SMARCC2: variants seen among roughly 807,000 people sequenced by gnomAD.
SMARCC2 encodes SWI/SNF complex subunit SMARCC2.
A neutral mutation model predicts 151.3 loss-of-function variants in SMARCC2; 15 were observed. The observed-to-expected ratio is 0.10, with a 90% confidence interval of 0.07 to 0.15. The LOEUF (loss-of-function observed/expected upper bound fraction) is 0.15. Ranked by LOEUF, SMARCC2 falls within the 10% of genes least tolerant of loss-of-function variation. The pLI is 1.00. For missense variants in SMARCC2, 1,031 were observed against 1,599.7 expected, an observed-to-expected ratio of 0.64 and a Z score of 6.06; for synonymous variants, 590 against 609.5, an observed-to-expected ratio of 0.97 and a Z score of 0.47.
rs773390615 is a variant in SMARCC2 at position 56,178,821 on chromosome 12, T to C, written c.1168A>G (p.Thr390Ala). The C allele has an allele frequency of 1.2e-6, 2 of 1,614,058 alleles. No individual in the cohort carries two copies. Among genetic ancestry groups the C allele is most frequent in the South Asian group, 2.2e-5 (2 of 91,076 alleles). ...TAAACTGGCTCCACCTTGCCCGTCG[T>C]CTCCATGCTTTCATCTTCCTGTTCA... ...LDEQEDESMETTGKDEDENST... is the reference protein window; with the variant it reads ...LDEQEDESMEATGKDEDENST... Residue 390 changes from threonine to alanine, a missense_variant, in exon 13 of 29, where the codon ACG (threonine) becomes GCG (alanine). Around this residue, in one of 12 missense-constraint regions of SMARCC2, gnomAD observed 127 missense variants for 141.7 expected, o/e 0.90. Transcript: ENST00000550164.
chr12:56,163,074 G>A lies in SMARCC2; in HGVS notation c.*615C>T, dbSNP rs1187506498. 1 of 152,120 alleles carries A rather than the reference G, an allele frequency of 6.6e-6. No individual in the cohort carries two copies. Among genetic ancestry groups the A allele is most frequent in the African/African-American group, 2.4e-5 (1 of 41,402 alleles). The allele number at this position is 152,120 out of a possible 1,614,324, so 9.4% of individuals were successfully genotyped here. A position where few individuals can be genotyped will look rare whatever the true frequency, so the allele number is the denominator to read the frequency against. Reference sequence around the variant, plus strand: ...GGCCTAAAACAGCAACAATGAGGAAGCCGCAGGAGGGATTATTAGTACGAA... The same window carrying A: ...GGCCTAAAACAGCAACAATGAGGAAACCGCAGGAGGGATTATTAGTACGAA... On this transcript the variant is annotated 3_prime_UTR_variant, in exon 29 of 29. Coordinates refer to ENST00000550164, the MANE Select transcript of SMARCC2 (RefSeq NM_001330288.2).
intron 26 of SMARCC2, 107 bp downstream of exon 26, chr12:56,167,953 C>A (rs1170342270): frequency 4.4e-5 from 4 of 91,590 alleles, no homozygotes; most frequent in East Asian, 1.1e-4. Flanking sequence ...TTCACTGAAA[C>A]ACACACACAC....
rs554485811 is a variant in SMARCC2, at chr12:56,182,198, T to G, written c.633-119A>C. ...TATTGGGTTCTTGGCTTATTTTTTT[T>G]GTATTCTATTCATTATAAAGTAGTA... On this transcript the variant is annotated intron_variant, in intron 7 of 28. Transcript: ENST00000550164. 392 of 638,494 alleles carry G rather than the reference T, an allele frequency of 6.1e-4. 2 individuals are homozygous for G. Among genetic ancestry groups the G allele is most frequent in the Non-Finnish European group, 3.0e-4 (110 of 369,850 alleles). 39.6% of individuals were successfully genotyped at this position (638,494 alleles called of 1,614,324 possible). A position where few individuals can be genotyped will look rare whatever the true frequency, so the allele number is the denominator to read the frequency against.
In SMARCC2 at chr12:56,181,761, A is replaced by G. The variant is rs1876256166; in HGVS notation, c.783T>C (p.Asp261=). Residue 261 remains aspartate, a synonymous_variant, in exon 9 of 29, where the codon GAT becomes GAC. Transcript: ENST00000550164. ...TTCGGCGGGAGACAGGGTTTTTGTC[A>G]TCATTTACTTCATAGTCTTCCTCAT... is the stretch of plus-strand genomic sequence containing the variant. ...WMNEEDYEVN[D]DKNPVSRRKK... is the part of the protein sequence containing the mutation. The G allele has an allele frequency of 1.9e-6, 3 of 1,614,192 alleles. No individual in the cohort carries two copies. Among genetic ancestry groups the G allele is most frequent in the Non-Finnish European group, 8.5e-7 (1 of 1,180,022 alleles).
chr12:56,169,664 T>C lies in SMARCC2; in HGVS notation c.2580A>G (p.Glu860=). The C allele has an allele frequency of 6.2e-7, 1 of 1,614,170 alleles. No individual in the cohort carries two copies. Among genetic ancestry groups the C allele is most frequent in the Non-Finnish European group, 8.5e-7 (1 of 1,180,022 alleles). The part of the protein sequence containing the change: ...VDPEKEKEPK[E]GQEEVLKEVV... ...CTTCCTTCAGCACTTCCTCCTGCCC[T>C]TCCTTTGGCTCCTTCTCCTTCTCAG... Residue 860 remains glutamate, a synonymous_variant, in exon 25 of 29, where the codon GAA becomes GAG. Transcript: ENST00000550164.
chr12:56,184,779 G>T, intron 5 of SMARCC2, 65 bp downstream of exon 5: 1 of 956,108 alleles, frequency 1.0e-6, no homozygotes, highest in Non-Finnish European at 1.7e-6. Context: ...GCTGCTGCTT[G>T]GTATAGAAAA....
chr12:56,175,547 T>G (rs1458537773), intron 15 of SMARCC2, among the ~76,000 whole-genome samples: 4 of 152,324 alleles, frequency 2.6e-5, no homozygotes, highest in Middle Eastern at 6.8e-3. Context: ...GGAATGTCTG[T>G]TGAGAGGTCT....
In SMARCC2 at chr12:56,162,386, A is replaced by C; in HGVS notation, c.*1303T>G. 3.1e-6 allele frequency: 2 copies of C among 645,506 alleles called. No individual in the cohort carries two copies. Among genetic ancestry groups the C allele is most frequent in the East Asian group, 2.7e-5 (1 of 36,528 alleles). The allele number at this position is 645,506 out of a possible 1,614,324, so 40.0% of individuals were successfully genotyped here. A position where few individuals can be genotyped will look rare whatever the true frequency, so the allele number is the denominator to read the frequency against. ...GAACTGAAAGCAAATTAATTTATAA[A>C]AAAAAAAAAAAGAAAGAAAGAAAAA... On this transcript the variant is annotated 3_prime_UTR_variant, in exon 29 of 29. Transcript: ENST00000550164.
intron 23 of SMARCC2, 74 bp downstream of exon 23, chr12:56,170,069 AG>A: frequency 6.7e-7 from 1 of 1,481,706 alleles, no homozygotes; most frequent in Non-Finnish European, 9.4e-7. Flanking sequence ...TGCCCACCTA[AG>A]CTGAACAAGG....
At chr12:56,184,101 T>G in intron 6 of SMARCC2, 74 bp downstream of exon 6, 1 of 1,199,400 alleles carries the variant, frequency 8.3e-7, no homozygotes, top group Non-Finnish European at 1.2e-6. Context: ...GCCCAGGTAC[T>G]GAATGGTGAT....
At chr12:56,169,412 A>G in intron 25 of SMARCC2, 117 bp downstream of exon 25, 7 of 1,292,826 alleles carry the variant, frequency 5.4e-6, no homozygotes, top group Non-Finnish European at 7.5e-6. Flanking sequence ...AGATAAAAAT[A>G]AAAAATAAAT....
rs768424188 is a variant in SMARCC2 at position 56,174,679 on chromosome 12, G to T, written c.1468C>A (p.Leu490Ile). 1 of 1,613,756 alleles carries T rather than the reference G, an allele frequency of 6.2e-7. No homozygotes were observed. The highest frequency in any genetic ancestry group is 1.3e-5 in the African/African-American group (1 of 74,894). ...YLTSTACRRNLAGDVCAIMRV... is the reference protein window; with the variant it reads ...YLTSTACRRNIAGDVCAIMRV... ...ATGATGGCACAGACATCACCCGCTAGGTTTCGGCGGCAGGCGGTAGAGGTA... is the reference window on the plus strand; with the variant it reads ...ATGATGGCACAGACATCACCCGCTATGTTTCGGCGGCAGGCGGTAGAGGTA... The change falls in exon 16 of 29, where the codon CTA becomes ATA. Residue 490 changes from leucine (L) to isoleucine (I), a missense_variant. Leu to Ile is a conservative substitution (Grantham distance 5, BLOSUM62 2). Coordinates refer to ENST00000550164, the MANE Select transcript of SMARCC2 (RefSeq NM_001330288.2).
chr12:56,170,185 G>A lies in SMARCC2; in HGVS notation c.2371C>T (p.Arg791Trp), dbSNP rs763661903. The change falls in exon 23 of 29, where the codon CGG becomes TGG. Residue 791 changes from arginine (R) to tryptophan (W), a missense_variant. Arg to Trp is a moderately radical substitution (Grantham distance 101, BLOSUM62 -3). Transcript: ENST00000550164. ...TCATCTGTGGCCTGGCCTTCCACCC[G>A]AGCCTCGTCATTCCCGCTCTCCTCT... ...RIEESGNDEARVEGQATDEKK... is the reference protein window; with the variant it reads ...RIEESGNDEAWVEGQATDEKK... 3.7e-6 allele frequency: 6 copies of A among 1,613,618 alleles called. No homozygotes were observed. The highest frequency in any genetic ancestry group is 2.2e-5 in the East Asian group (1 of 44,892).
In SMARCC2 at chr12:56,171,957, C is replaced by T. The variant is rs1293024036; in HGVS notation, c.1927-20G>A. ...CAGTGCCTGGTGGTAGTGGTGGAGA[C>T]ATAACTCCGCTTACTTAGCCACTTT... On this transcript the variant is annotated intron_variant, in intron 20 of 28. Coordinates refer to ENST00000550164, the MANE Select transcript of SMARCC2 (RefSeq NM_001330288.2). The surrounding 1 kb of genome is among the most constrained non-coding windows in gnomAD (Gnocchi z 4.2). The T allele has an allele frequency of 1.9e-6, 3 of 1,576,296 alleles. No individual in the cohort carries two copies. Among genetic ancestry groups the T allele is most frequent in the Non-Finnish European group, 2.6e-6 (3 of 1,158,896 alleles).
At chr12:56,173,586 G>A in intron 17 of SMARCC2, 110 bp downstream of exon 17, 2 of 985,306 alleles carry the variant, frequency 2.0e-6, no homozygotes, top group Non-Finnish European at 3.0e-6. Flanking sequence ...CATGGAAAAG[G>A]AAGAAGCCTC....
chr12:56,169,582 T>C lies in SMARCC2; in HGVS notation c.2662A>G (p.Asn888Asp), dbSNP rs1321615073. 1 of 1,614,010 alleles carries C rather than the reference T, an allele frequency of 6.2e-7. No individual in the cohort carries two copies. Among genetic ancestry groups the C allele is most frequent in the Non-Finnish European group, 8.5e-7 (1 of 1,180,010 alleles). ...TKVERDIGEG[N>D]LSTAAAAALA... The stretch of plus-strand genomic sequence containing the variant: ...GCGGCGGCAGCAGCGGTGGAGAGGT[T>C]GCCCTCGCCAATGTCCCGCTCCACC... The change falls in exon 25 of 29, where the codon AAC (asparagine) becomes GAC (aspartate). Residue 888 changes from asparagine (N) to aspartate (D), a missense_variant. Physicochemically the swap from Asn to Asp is conservative, Grantham distance 23. Coordinates refer to ENST00000550164, the MANE Select transcript of SMARCC2 (RefSeq NM_001330288.2).
Position 56,168,046 on chromosome 12 carries a change from C to T in SMARCC2, c.2850+14G>A, listed in dbSNP as rs764785133. 1 of 1,612,984 alleles carries T rather than the reference C, an allele frequency of 6.2e-7. No individual in the cohort carries two copies. The highest frequency in any genetic ancestry group is 1.7e-5 in the Admixed American group (1 of 59,942). On this transcript the variant is annotated intron_variant, in intron 26 of 28. Coordinates refer to ENST00000550164, the MANE Select transcript of SMARCC2 (RefSeq NM_001330288.2). ...GGCACAGCGCAGCAGGGTTCCAGGG[C>T]TCCTGCTACTCACTGCTTCTCGCTC...
chr12:56,185,359 A>T, intron 3 of SMARCC2: 2 of 436,258 alleles, frequency 4.6e-6, no homozygotes, highest in South Asian at 2.2e-5. Flanking sequence ...TTGTATTTTT[A>T]GTAAGTAGAG....
In SMARCC2 at chr12:56,163,655, AG is replaced by A; in HGVS notation, c.*33del. On this transcript the variant is annotated 3_prime_UTR_variant, in exon 29 of 29. Transcript: ENST00000550164. ...CTGTTCCTGGAACCGTGATGTCCAC[AG>A]GGGGTGAGGGGGAGAGATGTCTGGC... 4 of 1,304,840 alleles carry A rather than the reference AG, an allele frequency of 3.1e-6. No individual in the cohort carries two copies. The highest frequency in any genetic ancestry group is 2.8e-5 in the Admixed American group (1 of 35,526). The allele number at this position is 1,304,840 out of a possible 1,614,324, so 80.8% of individuals were successfully genotyped here.
Sources: allele counts gnomAD v4.1 joint callset (sites outside exome capture counted in the v4.1 genomes callset), GRCh38; gene constraint gnomAD v4.1.1; regional missense constraint gnomAD v4.1.1; non-coding constraint Gnocchi (gnomAD v3.1); transcripts MANE v1.5; gene names NCBI Gene and HGNC (gene_info 2026-07-23, HGNC 2026-07-21).